Variants in BCKDHB observed in about 807,000 individuals in gnomAD.
The protein encoded by BCKDHB is 2-oxoisovalerate dehydrogenase subunit beta, mitochondrial.
In BCKDHB, 41 loss-of-function variants were observed where a neutral mutation model predicts 48.5. That is an observed-to-expected ratio of 0.85 (90% CI 0.66 to 1.10). The LOEUF (loss-of-function observed/expected upper bound fraction) is 1.10, where lower values mean the gene tolerates loss of function less well. Among genes scored for constraint, BCKDHB ranks in the 50% least tolerant of loss-of-function variants. The pLI is 0.00. For missense variants in BCKDHB, 496 were observed against 494.2 expected (o/e 1.00, Z -0.03); for synonymous variants, 201 against 174.8 (o/e 1.15, Z -1.18).
intron 9 of BCKDHB, among the ~76,000 whole-genome samples, chr6:80,323,927 T>C (rs1768883822): frequency 6.6e-6 from 1 of 152,142 alleles, no homozygotes; most frequent in South Asian, 2.1e-4. Context: ...CGCCCGCCAC[T>C]ACGGCCGGCT....
chr6:80,106,966 GC>G, intron 1 of BCKDHB, 77 bp downstream of exon 1: 1 of 1,519,886 alleles, frequency 6.6e-7, no homozygotes, highest in Non-Finnish European at 8.9e-7. Context: ...AGGGGCAGGG[GC>G]CGGCAGGCTG....
At chr6:80,359,941 G>C in the BCKDHB span, among the ~76,000 whole-genome samples, 1 of 152,152 alleles carries the variant, frequency 6.6e-6, no homozygotes, top group Non-Finnish European at 1.5e-5. Context: ...ATCTTGCTGG[G>C]AAATTTTACC....
chr6:80,454,346 G>A, the BCKDHB span: 1 of 152,212 alleles, frequency 6.6e-6, no homozygotes, highest in Non-Finnish European at 1.5e-5. Context: ...GTGTTTCTGG[G>A]TCATTGTTCT....
chr6:80,267,679 C>T lies in BCKDHB; in HGVS notation c.952-5456C>T, dbSNP rs191005824. ...GTTTATCTGAAATATTTTGAAGTAGCTTTCAGAAAGATGTCCACTTTTAAT... is the reference window on the plus strand; with the variant it reads ...GTTTATCTGAAATATTTTGAAGTAGTTTTCAGAAAGATGTCCACTTTTAAT... On this transcript the variant is annotated intron_variant, in intron 8 of 9. Coordinates refer to ENST00000320393, the MANE Select transcript of BCKDHB (RefSeq NM_183050.4). 2.3e-3 allele frequency among the ~76,000 whole-genome samples: 345 copies of T among 152,214 alleles called. 1 individual carries two copies. Among genetic ancestry groups the T allele is most frequent in the African/African-American group, 7.7e-3 (319 of 41,548 alleles).
chr6:80,112,819 A>C (rs559097837), intron 1 of BCKDHB, among the ~76,000 whole-genome samples: 1 of 152,180 alleles, frequency 6.6e-6, no homozygotes, highest in Non-Finnish European at 1.5e-5. Context: ...TTAGTTAGGC[A>C]TGGGTGCTGC....
chr6:80,225,385 T>C (rs569178939), intron 8 of BCKDHB, among the ~76,000 whole-genome samples: 1 of 152,200 alleles, frequency 6.6e-6, no homozygotes, highest in African/African-American at 2.4e-5. Context: ...ATGTTAGGGA[T>C]GTTGTAGACA....
At chr6:80,370,236 C>A in the BCKDHB span, among the ~76,000 whole-genome samples, 1 of 152,022 alleles carries the variant, frequency 6.6e-6, no homozygotes, top group Non-Finnish European at 1.5e-5. Flanking sequence ...GGAAAAAGAC[C>A]AGATCTCTAT....
the BCKDHB span, among the ~76,000 whole-genome samples, chr6:80,368,797 A>G: frequency 0.96 from 145,736 of 152,076 alleles, 70,154 homozygotes; most frequent in Middle Eastern, 1. Context: ...GATCACTGGA[A>G]TTGAGGAGTT....
chr6:80,278,210 T>C (rs564574799), intron 9 of BCKDHB, among the ~76,000 whole-genome samples: 9 of 152,312 alleles, frequency 5.9e-5, no homozygotes, highest in African/African-American at 2.2e-4. Flanking sequence ...ACAAAACCTT[T>C]CCTAATAGCA....
intron 9 of BCKDHB, among the ~76,000 whole-genome samples, chr6:80,335,499 G>A (rs1157797662): frequency 1.3e-5 from 2 of 152,010 alleles, no homozygotes; most frequent in East Asian, 1.9e-4. Flanking sequence ...AAGCTTCAGC[G>A]TCTGTGGAAA....
intron 6 of BCKDHB, among the ~76,000 whole-genome samples, chr6:80,190,319 TAC>T (rs1268908609): frequency 2.0e-5 from 3 of 152,216 alleles, no homozygotes; most frequent in Non-Finnish European, 4.4e-5. Flanking sequence ...CTTTTTAAAA[TAC>T]ACAGTTTTTG....
At chr6:80,171,466 T>A in intron 6 of BCKDHB, 76 bp downstream of exon 6, 2 of 838,144 alleles carry the variant, frequency 2.4e-6, no homozygotes, top group Non-Finnish European at 3.7e-6. Flanking sequence ...AGTTATATCT[T>A]TTTTTTCTAT....
At chr6:80,157,865 T>G (rs1315080077) in intron 3 of BCKDHB, among the ~76,000 whole-genome samples, 1 of 152,200 alleles carries the variant, frequency 6.6e-6, no homozygotes, top group African/African-American at 2.4e-5. Flanking sequence ...ATGTTTATAT[T>G]ACATAGTACA....
chr6:80,377,489 T>G, the BCKDHB span, among the ~76,000 whole-genome samples: 2 of 152,204 alleles, frequency 1.3e-5, no homozygotes, highest in Non-Finnish European at 2.9e-5. Flanking sequence ...CTCTTAAATT[T>G]AGGTCTTTGA....
chr6:80,403,439 G>T, the BCKDHB span, among the ~76,000 whole-genome samples: 1 of 151,778 alleles, frequency 6.6e-6, no homozygotes, highest in African/African-American at 2.4e-5. Context: ...TTTGTATTCT[G>T]CAAGTTTACT....
intron 5 of BCKDHB, among the ~76,000 whole-genome samples, chr6:80,169,521 G>A (rs1204602203): frequency 2.0e-5 from 3 of 151,920 alleles, no homozygotes; most frequent in African/African-American, 7.3e-5. Context: ...TCTGTTTAAA[G>A]TTAGGTAATA....
Position 80,335,710 on chromosome 6 carries a change from T to G in BCKDHB, c.1039-7954T>G, listed in dbSNP as rs1220532453. On this transcript the variant is annotated intron_variant, in intron 9 of 9. Transcript: ENST00000320393. Reference sequence around the variant, plus strand: ...ATAAACAGAATGTTTTGCAGAGAGATTTAGTGAAGAAAATTTTTTTTTGCC... The same window carrying G: ...ATAAACAGAATGTTTTGCAGAGAGAGTTAGTGAAGAAAATTTTTTTTTGCC... Among the ~76,000 whole-genome samples, 7 of 151,982 alleles carry G rather than the reference T, an allele frequency of 4.6e-5. No homozygotes were observed. In the South Asian group the frequency reaches 1.0e-3, roughly 22 times the overall value.
chr6:80,122,568 A>C (rs1458600425), intron 1 of BCKDHB, among the ~76,000 whole-genome samples: 1 of 152,192 alleles, frequency 6.6e-6, no homozygotes, highest in African/African-American at 2.4e-5. Context: ...TGGTAGGACC[A>C]TGATGCCCAC....
chr6:80,300,957 A>C (rs1450824361), intron 9 of BCKDHB, among the ~76,000 whole-genome samples: 1 of 152,206 alleles, frequency 6.6e-6, no homozygotes, highest in Non-Finnish European at 1.5e-5. Flanking sequence ...TGAACATAGA[A>C]ATTGTCAGAA....
Sources: gnomAD v4.1 joint callset for allele counts (sites outside exome capture counted in the v4.1 genomes callset) on GRCh38, gnomAD v4.1.1 for gene constraint, MANE v1.5 for transcripts, NCBI Gene and HGNC (gene_info 2026-07-23, HGNC 2026-07-21) for gene names.